The following OPHN1 variants were observed in gnomAD, a reference collection of about 807,000 sequenced individuals.
OPHN1 encodes the protein oligophrenin 1.
OPHN1 carries 11 observed loss-of-function variants against 60.7 expected under a neutral mutation model. That is an observed-to-expected ratio of 0.18 (90% CI 0.11 to 0.30). The LOEUF (loss-of-function observed/expected upper bound fraction) is 0.30. OPHN1 is among the 10% of genes least tolerant of loss of function. The probability of loss-of-function intolerance (pLI) is 1.00; values close to 1 mark genes in which losing one functional copy is unlikely to be tolerated. For synonymous variants in OPHN1, 226 were observed against 222.6 expected, an observed-to-expected ratio of 1.02 and a Z score of -0.14; for missense variants, 449 against 611.0, an observed-to-expected ratio of 0.73 and a Z score of 2.80.
At chrX:68,221,999 A>G (rs1334832669) in intron 6 of OPHN1, among the ~76,000 whole-genome samples, 12 of 107,826 alleles carry the variant, frequency 1.1e-4, no homozygotes, top group South Asian at 4.3e-4. Context: ...GCAACCTACA[A>G]AATGGGAGAA....
chrX:68,318,752 T>A (rs745648251), intron 2 of OPHN1, among the ~76,000 whole-genome samples: 1 of 111,856 alleles, frequency 8.9e-6, no homozygotes, highest in South Asian at 3.8e-4. Context: ...GATCCCACAT[T>A]ACGTTTAGTC....
chrX:68,054,771 A>C (rs1014483919), intron 21 of OPHN1, among the ~76,000 whole-genome samples: 7 of 111,390 alleles, frequency 6.3e-5, no homozygotes. Flanking sequence ...AAATAATATC[A>C]AGTGAAAAAA....
intron 6 of OPHN1, among the ~76,000 whole-genome samples, chrX:68,226,081 A>G (rs2077690364): frequency 8.9e-6 from 1 of 112,242 alleles, no homozygotes; most frequent in African/African-American, 3.2e-5. Flanking sequence ...TACATGACAC[A>G]TGCACAAGCT....
intron 5 of OPHN1, among the ~76,000 whole-genome samples, chrX:68,259,782 TA>T (rs1467403943): frequency 8.1e-5 from 9 of 111,451 alleles, no homozygotes; most frequent in Non-Finnish European, 1.7e-4. Flanking sequence ...TCCACTGTCT[TA>T]ACCAGTATAT....
chrX:68,142,868 G>A (rs942460730), intron 15 of OPHN1, among the ~76,000 whole-genome samples: 4 of 111,995 alleles, frequency 3.6e-5, no homozygotes, highest in African/African-American at 1.3e-4. Context: ...AAACTTGGAT[G>A]AGAGTTAGGT....
chrX:68,258,228 A>T (rs2077874007), intron 5 of OPHN1, among the ~76,000 whole-genome samples: 1 of 110,608 alleles, frequency 9.0e-6, no homozygotes, highest in Non-Finnish European at 1.9e-5. Context: ...CTTCAGGCTA[A>T]ATGTGGCCAT....
intron 6 of OPHN1, among the ~76,000 whole-genome samples, chrX:68,226,648 C>A (rs762967504): frequency 1.8e-5 from 2 of 110,781 alleles, no homozygotes; most frequent in Admixed American, 1.9e-4. Context: ...TAAGTAAAGG[C>A]GAAATAAAAT....
intron 3 of OPHN1, among the ~76,000 whole-genome samples, chrX:68,295,301 C>T (rs973915534): frequency 2.7e-5 from 3 of 112,095 alleles, no homozygotes; most frequent in Admixed American, 9.5e-5. Flanking sequence ...CACAAATTAC[C>T]TTCTATAGTG....
At chrX:68,314,390 G>A (rs1489564414) in intron 2 of OPHN1, among the ~76,000 whole-genome samples, 5 of 110,146 alleles carry the variant, frequency 4.5e-5, no homozygotes, top group African/African-American at 9.9e-5. Context: ...GCGTGGTAGC[G>A]CATGCCTGTA....
At chrX:68,332,121 G>A (rs752218461) in intron 2 of OPHN1, among the ~76,000 whole-genome samples, 1 of 112,090 alleles carries the variant, frequency 8.9e-6, no homozygotes, top group Non-Finnish European at 1.9e-5. Context: ...TTGAGGACAT[G>A]TGTACACAGT....
rs921752736 is a variant in OPHN1, at chrX:68,277,822, A to G, written c.313-3013T>C. Among the ~76,000 whole-genome samples the G allele has an allele frequency of 8.9e-5, 10 of 112,021 alleles. No individual in the cohort carries two copies. In the Middle Eastern group the frequency reaches 0.014, roughly 154 times the overall value. On this transcript the variant is annotated intron_variant, in intron 4 of 24. Transcript: ENST00000355520. ...AAATAAATAAATAAATAAATGTAATACCTAAGAAGTGGCCAACTGTGAAAC... is the reference window on the plus strand; with the variant it reads ...AAATAAATAAATAAATAAATGTAATGCCTAAGAAGTGGCCAACTGTGAAAC...
At chrX:68,390,653 A>G (rs2078649138) in intron 2 of OPHN1, among the ~76,000 whole-genome samples, 1 of 111,906 alleles carries the variant, frequency 8.9e-6, no homozygotes, top group African/African-American at 3.3e-5. Flanking sequence ...ATGAATAATT[A>G]TTAAGGGCCC....
chrX:68,367,092 G>A (rs746597178), intron 2 of OPHN1, among the ~76,000 whole-genome samples: 6 of 110,859 alleles, frequency 5.4e-5, no homozygotes, highest in Admixed American at 4.9e-4. Context: ...GGGGATGGTG[G>A]CTCACGCCTG....
intron 9 of OPHN1, among the ~76,000 whole-genome samples, chrX:68,208,032 CTTTCTTTCCTT>C (rs1038617062): frequency 9.2e-6 from 1 of 109,177 alleles, no homozygotes; most frequent in African/African-American, 3.3e-5. Flanking sequence ...TCTTTCCTTT[CTTTCTTTCCTT>C]TTTCTTTCCT....
chrX:68,054,692 T>G lies in OPHN1; in HGVS notation c.2159-882A>C, dbSNP rs1023453024. ...ACAAACAATTCAATTCATACAAGCA[T>G]TTAACCAATACATATTATGTGTGAA... is the stretch of plus-strand genomic sequence containing the variant. On this transcript the variant is annotated intron_variant, in intron 21 of 24. Transcript: ENST00000355520. 1.4e-4 allele frequency among the ~76,000 whole-genome samples: 16 copies of G among 111,464 alleles called. No individual in the cohort carries two copies. In the Admixed American group the frequency reaches 1.5e-3, roughly 11 times the overall value.
At chrX:68,425,753 G>A (rs1266602995) in intron 2 of OPHN1, among the ~76,000 whole-genome samples, 4 of 90,992 alleles carry the variant, frequency 4.4e-5, no homozygotes, top group African/African-American at 1.5e-4. Flanking sequence ...AGTACTGAAT[G>A]CATCTTTTGG....
At chrX:68,227,766 G>A (rs1281757066) in intron 6 of OPHN1, among the ~76,000 whole-genome samples, 1 of 110,626 alleles carries the variant, frequency 9.0e-6, no homozygotes, top group Non-Finnish European at 1.9e-5. Context: ...GTGTGTAGAG[G>A]GAAATTTATA....
At chrX:68,133,014 C>T (rs747877514) in intron 15 of OPHN1, 16 of 481,428 alleles carry the variant, frequency 3.3e-5, no homozygotes, top group African/African-American at 2.6e-4. Context: ...CCGCTTCAGA[C>T]GCAGACCCTA....
In OPHN1 at chrX:68,063,988, G is replaced by A. The variant is rs1023161053; in HGVS notation, c.2024C>T (p.Ser675Phe). The A allele has an allele frequency of 6.0e-5, 72 of 1,207,590 alleles. No individual in the cohort carries two copies. The highest frequency in any genetic ancestry group is 7.8e-5 in the Non-Finnish European group (70 of 894,544). ...CPEVDVGKLV[S>F]RLQDGGTKIT... Reference sequence around the variant, plus strand: ...CTTGGTCCCTCCATCCTGCAGCCTAGACACCAACTTCCCCACGTCCACCTC... The same window carrying A: ...CTTGGTCCCTCCATCCTGCAGCCTAAACACCAACTTCCCCACGTCCACCTC... Residue 675 changes from serine (S) to phenylalanine (F), a missense_variant, in exon 21 of 25, where the codon TCT (serine) becomes TTT (phenylalanine). This residue lies in a region of OPHN1 where 184 missense variants were observed against 160.5 expected (regional missense o/e 1.15). Transcript: ENST00000355520.
Sources: allele counts gnomAD v4.1 joint callset (sites outside exome capture counted in the v4.1 genomes callset), GRCh38; gene constraint gnomAD v4.1.1; regional missense constraint gnomAD v4.1.1; transcripts MANE v1.5; gene names NCBI Gene and HGNC (gene_info 2026-07-23, HGNC 2026-07-21).